Variants in B3GALNT2 observed in about 807,000 individuals in gnomAD.
B3GALNT2 encodes UDP-GalNAc:beta-1,3-N-acetylgalactosaminyltransferase 2.
A neutral mutation model predicts 61.1 loss-of-function variants in B3GALNT2; 53 were observed. The ratio of observed to expected loss-of-function variants is 0.87; its 90% CI spans 0.70 to 1.09. The LOEUF (loss-of-function observed/expected upper bound fraction) is 1.09, where lower values mean the gene tolerates loss of function less well. Among genes scored for constraint, B3GALNT2 ranks in the 50% least tolerant of loss-of-function variants. The pLI is 0.00. For synonymous variants in B3GALNT2, 223 were observed against 237.4 expected, an observed-to-expected ratio of 0.94 and a Z score of 0.56; for missense variants, 544 against 623.0, an observed-to-expected ratio of 0.87 and a Z score of 1.35.
intron 4 of B3GALNT2, 38 bp downstream of exon 4, chr1:235,484,284 A>G (rs1471690849): frequency 3.9e-6 from 6 of 1,530,576 alleles, no homozygotes; most frequent in Non-Finnish European, 5.3e-6. Context: ...TTTTTGAAAA[A>G]GAAAAAAGAG....
rs1682761447 is a variant in B3GALNT2 at position 235,449,501 on chromosome 1, A to G, written c.*705T>C. 6.5e-6 allele frequency: 1 copy of G among 152,758 alleles called. No homozygotes were observed. The highest frequency in any genetic ancestry group is 2.1e-4 in the South Asian group (1 of 4,854). 9.5% of individuals were successfully genotyped at this position (152,758 alleles called of 1,614,324 possible). On this transcript the variant is annotated 3_prime_UTR_variant, in exon 12 of 12. Transcript: ENST00000366600. ...CATACTCACACAACTTTAGCATTTA[A>G]AAACTATGAGTACTAAACTGTGACC...
At chr1:235,446,539 T>A (rs750714701), downstream of B3GALNT2, among the ~76,000 whole-genome samples, 5 of 152,210 alleles carry the variant, frequency 3.3e-5, no homozygotes, top group Admixed American at 6.5e-5. Context: ...ACCTCTCAAA[T>A]TTTTAACACT....
At chr1:235,451,887 T>C (rs1572478078) in intron 11 of B3GALNT2, 1 of 151,784 alleles carries the variant, frequency 6.6e-6, no homozygotes, top group East Asian at 1.9e-4. Context: ...TGCAGATTCA[T>C]TTTTTTTTCT....
chr1:235,488,075 C>T (rs1007455552), intron 3 of B3GALNT2, among the ~76,000 whole-genome samples: 2 of 152,132 alleles, frequency 1.3e-5, no homozygotes, highest in Admixed American at 6.5e-5. Flanking sequence ...AGAATTTTTA[C>T]AAACTTTTAA....
chr1:235,441,441 G>A, the B3GALNT2 span: 1 of 279,232 alleles, frequency 3.6e-6, no homozygotes, highest in South Asian at 3.9e-5. Flanking sequence ...TGACACTCGG[G>A]GAAAACATTT....
chr1:235,464,404 CCCT>C (rs1207901931), intron 7 of B3GALNT2: 4 of 151,366 alleles, frequency 2.6e-5, no homozygotes, highest in African/African-American at 9.7e-5. Context: ...ACTCTCTCTC[CCCT>C]CCTTTCCTCC....
intron 1 of B3GALNT2, among the ~76,000 whole-genome samples, chr1:235,500,966 A>G (rs1685554421): frequency 6.6e-6 from 1 of 152,170 alleles, no homozygotes; most frequent in Non-Finnish European, 1.5e-5. Flanking sequence ...CTTGCTCTAC[A>G]TCTGTTTCCA....
chr1:235,498,738 G>GGAGGCT (rs1320038944), intron 1 of B3GALNT2, among the ~76,000 whole-genome samples: 1 of 150,520 alleles, frequency 6.6e-6, no homozygotes, highest in Non-Finnish European at 1.5e-5. Flanking sequence ...CAGCTACTCG[G>GGAGGCT]GAGGCTGAGT....
At position 235,495,831 on chromosome 1, in the gene B3GALNT2, C is replaced by T. The variant is rs561129838; in HGVS notation, c.113-1003G>A. 3.3e-5 allele frequency among the ~76,000 whole-genome samples: 5 copies of T among 152,162 alleles called. 1 individual carries two copies. Among genetic ancestry groups the T allele is most frequent in the Middle Eastern group, 3.4e-3 (1 of 294 alleles). ...CCCAGACTCTTTACTATATTAAATG[C>T]AATGTTTTTATATACCATGGGATCT... On this transcript the variant is annotated intron_variant, in intron 1 of 11. Transcript: ENST00000366600.
intron 11 of B3GALNT2, chr1:235,451,836 G>A (rs1169712226): frequency 1.3e-5 from 2 of 152,172 alleles, no homozygotes; most frequent in Non-Finnish European, 2.9e-5. Context: ...CCAGCTTTGT[G>A]CTTGATTTCT....
intron 1 of B3GALNT2, among the ~76,000 whole-genome samples, chr1:235,502,753 T>C (rs1164072665): frequency 6.6e-6 from 1 of 152,206 alleles, no homozygotes; most frequent in African/African-American, 2.4e-5. Context: ...ATTAAGGCCA[T>C]AAACAGACTT....
Position 235,447,882 on chromosome 1 carries a change from C to T in B3GALNT2, c.*2324G>A, listed in dbSNP as rs1313208067. ...CAGGTGGTACAAGACTCAGGCTTTC[C>T]CCTAATTACTTACTTGGGTAAAGTG... On this transcript the variant is annotated 3_prime_UTR_variant, in exon 12 of 12. Transcript: ENST00000366600. Among the ~76,000 whole-genome samples the T allele has an allele frequency of 6.6e-6, 1 of 151,858 alleles. No homozygotes were observed. The highest frequency in any genetic ancestry group is 1.5e-5 in the Non-Finnish European group (1 of 68,018).
intron 6 of B3GALNT2, 75 bp from the exon 7 acceptor site, chr1:235,465,789 A>G: frequency 6.4e-7 from 1 of 1,553,226 alleles, no homozygotes; most frequent in Non-Finnish European, 8.8e-7. Flanking sequence ...CGATTTGACA[A>G]AAATCATAAT....
chr1:235,498,403 GTTCAAC>G (rs1200084971), intron 1 of B3GALNT2, among the ~76,000 whole-genome samples: 3 of 152,150 alleles, frequency 2.0e-5, no homozygotes, highest in Admixed American at 6.5e-5. Flanking sequence ...ATGAAAACAT[GTTCAAC>G]TTCAATAAGA....
intron 4 of B3GALNT2, among the ~76,000 whole-genome samples, chr1:235,482,572 A>C (rs1171148688): frequency 6.6e-6 from 1 of 151,942 alleles, no homozygotes; most frequent in Non-Finnish European, 1.5e-5. Context: ...GACAATGTTT[A>C]GTCTGTGTCC....
In B3GALNT2 at chr1:235,480,126, G is replaced by A. The variant is rs745391527; in HGVS notation, c.579C>T (p.Phe193=). Residue 193 remains phenylalanine, a synonymous_variant, in exon 5 of 12, where the codon TTC becomes TTT. Transcript: ENST00000366600. The part of the protein sequence containing the change: ...EQEEALFIAR[F]SPPSCGVQVN... ...CCTGCACACCACAGCTTGGAGGACT[G>A]AAGCGAGCAATGAAGAGGGCCTCCT... The A allele has an allele frequency of 4.0e-5, 65 of 1,613,794 alleles. No individual in the cohort carries two copies. Among genetic ancestry groups the A allele is most frequent in the Non-Finnish European group, 2.5e-6 (3 of 1,179,830 alleles).
rs291396 is a variant in B3GALNT2, at chr1:235,489,208, C to T, written c.321G>A (p.Glu107=). Residue 107 remains glutamate (E), a synonymous_variant, in exon 3 of 12, where the codon GAG becomes GAA. Coordinates refer to ENST00000366600, the MANE Select transcript of B3GALNT2 (RefSeq NM_152490.5). The stretch of plus-strand genomic sequence containing the variant: ...TGAGTAGTTTACAGGAATAAGGATC[C>T]TCCCTGTCTTCCACAGGCACTTCAC... ...HGCEVPVEDR[E]DPYSCKLLNI... The T allele has an allele frequency of 0.47, 756,676 of 1,613,652 alleles. 184,357 individuals are homozygous for T. Among genetic ancestry groups the T allele is most frequent in the Non-Finnish European group, 0.51 (596,926 of 1,179,850 alleles).
intron 1 of B3GALNT2, among the ~76,000 whole-genome samples, chr1:235,499,445 G>T (rs1451260813): frequency 6.6e-6 from 1 of 152,136 alleles, no homozygotes; most frequent in Non-Finnish European, 1.5e-5. Context: ...TCACTCAAAT[G>T]ACAGAGCATC....
intron 2 of B3GALNT2, among the ~76,000 whole-genome samples, 161 bp from the exon 3 acceptor site, chr1:235,489,429 A>G (rs1434308317): frequency 6.6e-6 from 1 of 151,994 alleles, no homozygotes; most frequent in African/African-American, 2.4e-5. Context: ...GGAACAAGTA[A>G]ACTGAAAGTT....
Sources: allele counts gnomAD v4.1 joint callset (sites outside exome capture counted in the v4.1 genomes callset), GRCh38; gene constraint gnomAD v4.1.1; transcripts MANE v1.5; gene names NCBI Gene and HGNC (gene_info 2026-07-23, HGNC 2026-07-21).